Variants in MCM9 observed in about 807,000 individuals in gnomAD.
MCM9 encodes DNA helicase MCM9.
A neutral mutation model predicts 72.8 loss-of-function variants in MCM9; 55 were observed. That is an observed-to-expected ratio of 0.76 (90% confidence interval 0.61 to 0.95). The LOEUF (loss-of-function observed/expected upper bound fraction) is 0.95. Ranked by LOEUF, MCM9 falls within the 40% of genes least tolerant of loss-of-function variation. The pLI, the probability that MCM9 is intolerant of heterozygous loss-of-function variation, is 0.00. For missense variants in MCM9, 1,279 were observed against 1,377.0 expected (o/e 0.93, Z 1.13); for synonymous variants, 480 against 503.4 (o/e 0.95, Z 0.62).
intron 8 of MCM9, among the ~76,000 whole-genome samples, chr6:118,895,426 C>T (rs1779326248): frequency 6.6e-6 from 1 of 152,212 alleles, no homozygotes; most frequent in African/African-American, 2.4e-5. Flanking sequence ...ATTTCCAGGA[C>T]TTAATCTCTG....
chr6:118,857,626 C>CAAAAAAAAAAAAAAAAAA (rs1203197065), intron 8 of MCM9, among the ~76,000 whole-genome samples: 1 of 70,968 alleles, frequency 1.4e-5, no homozygotes, highest in Non-Finnish European at 2.8e-5. Flanking sequence ...CCAGACTGAC[C>CAAAAAAAAAAAAAAAAAA]AAAAAAAAAA....
chr6:118,837,370 G>C (rs965221973), intron 9 of MCM9, among the ~76,000 whole-genome samples: 6 of 152,200 alleles, frequency 3.9e-5, no homozygotes, highest in African/African-American at 1.4e-4. Flanking sequence ...GAGTTCTGTA[G>C]ATGTCTATTA....
intron 8 of MCM9, among the ~76,000 whole-genome samples, chr6:118,873,860 C>T (rs945725048): frequency 3.9e-5 from 6 of 152,078 alleles, no homozygotes; most frequent in African/African-American, 1.4e-4. Flanking sequence ...ACATAGATGC[C>T]AGTATCTTTA....
At chr6:118,933,062 G>T (rs1298725323) in intron 1 of MCM9, among the ~76,000 whole-genome samples, 3 of 152,084 alleles carry the variant, frequency 2.0e-5, no homozygotes, top group African/African-American at 7.2e-5. Flanking sequence ...GAAATCCAAG[G>T]GGCAAATAAA....
intron 8 of MCM9, among the ~76,000 whole-genome samples, chr6:118,860,658 T>A (rs185545709): frequency 6.6e-6 from 1 of 152,148 alleles, no homozygotes; most frequent in Admixed American, 6.5e-5. Flanking sequence ...CTCAAGCACA[T>A]TCCATTCAAA....
chr6:118,923,910 G>C lies in MCM9; in HGVS notation c.522C>G (p.Ser174Arg). 2 of 1,614,220 alleles carry C rather than the reference G, an allele frequency of 1.2e-6. No homozygotes were observed. The highest frequency in any genetic ancestry group is 1.1e-5 in the South Asian group (1 of 91,086). ...YTFCRPSSCP[S>R]LESCDSSKFT... The stretch of plus-strand genomic sequence containing the variant: ...ATTTAGAGGAATCACAGCTCTCCAA[G>C]CTGGGACACGAGGATGGCCGGCAAA... Residue 174 changes from serine (S) to arginine (R), a missense_variant, in exon 4 of 14, where the codon AGC becomes AGG. Ser to Arg is a moderately radical substitution (Grantham distance 110, BLOSUM62 -1). Coordinates refer to ENST00000619706, the MANE Select transcript of MCM9 (RefSeq NM_017696.3).
intron 8 of MCM9, among the ~76,000 whole-genome samples, chr6:118,864,518 G>C (rs2114262188): frequency 6.6e-6 from 1 of 152,126 alleles, no homozygotes; most frequent in East Asian, 1.9e-4. Context: ...CCCTCCGAGA[G>C]AAAGTCAGGG....
chr6:118,841,858 G>T (rs1478776302), intron 9 of MCM9, among the ~76,000 whole-genome samples: 3 of 140,002 alleles, frequency 2.1e-5, no homozygotes, highest in Non-Finnish European at 3.0e-5. Flanking sequence ...TTTTTGACAC[G>T]GAGTCTCGCT....
intron 8 of MCM9, among the ~76,000 whole-genome samples, chr6:118,904,952 C>T (rs1780073058): frequency 6.6e-6 from 1 of 152,212 alleles, no homozygotes; most frequent in Admixed American, 6.5e-5. Flanking sequence ...ATTCTCCTGC[C>T]TCAGCCTCCC....
intron 8 of MCM9, among the ~76,000 whole-genome samples, chr6:118,880,732 T>C (rs530801148): frequency 6.6e-6 from 1 of 152,330 alleles, no homozygotes; most frequent in East Asian, 1.9e-4. Flanking sequence ...TTTTTAGTAC[T>C]GGAATAGGGA....
rs532161631 is a variant in MCM9 at position 118,902,136 on chromosome 6, G to A, written c.1150+9514C>T. Among the ~76,000 whole-genome samples the A allele has an allele frequency of 3.3e-5, 5 of 152,320 alleles. No homozygotes were observed. In the South Asian group the frequency reaches 1.0e-3, roughly 32 times the overall value. On this transcript the variant is annotated intron_variant, in intron 8 of 13. Transcript: ENST00000619706. Reference sequence around the variant, plus strand: ...TGCTGTTAATCAAAGTTGTGTGAGTGCATAACCATGTAAAAGACATGGGTA... The same window carrying A: ...TGCTGTTAATCAAAGTTGTGTGAGTACATAACCATGTAAAAGACATGGGTA...
rs1583310907 is a variant in MCM9 at position 118,816,074 on chromosome 6, T to C, written c.2182A>G (p.Arg728Gly). 7 of 1,550,218 alleles carry C rather than the reference T, an allele frequency of 4.5e-6. No individual in the cohort carries two copies. In the East Asian group the frequency reaches 7.3e-5, roughly 16 times the overall value. ...TTTTTGTGCTGAGCTGAATGTTTCC[T>C]ACTTGTTGATCTATTAGGCTCCAGA... ...PHLEPNRSTS[R>G]KHSAQHKNNR... Residue 728 changes from arginine to glycine, a missense_variant, in exon 14 of 14, where the codon AGG (arginine) becomes GGG (glycine). By Grantham distance (125) the Arg-to-Gly change is moderately radical. Coordinates refer to ENST00000619706, the MANE Select transcript of MCM9 (RefSeq NM_017696.3).
chr6:118,883,586 A>G (rs1778429131), intron 8 of MCM9, among the ~76,000 whole-genome samples: 1 of 152,130 alleles, frequency 6.6e-6, no homozygotes, highest in Non-Finnish European at 1.5e-5. Context: ...TTAAATCAAT[A>G]AGAGAACAAC....
At chr6:118,871,490 G>C (rs556166364) in intron 8 of MCM9, among the ~76,000 whole-genome samples, 1 of 152,094 alleles carries the variant, frequency 6.6e-6, no homozygotes, top group Non-Finnish European at 1.5e-5. Flanking sequence ...CACAATAAAG[G>C]CCATCTATCA....
chr6:118,867,175 G>A (rs1344620912), intron 8 of MCM9, among the ~76,000 whole-genome samples: 5 of 152,050 alleles, frequency 3.3e-5, no homozygotes, highest in Non-Finnish European at 7.4e-5. Context: ...CAAAAAAAAC[G>A]CTAAAGGGAG....
chr6:118,848,525 C>T (rs930380042), intron 9 of MCM9, among the ~76,000 whole-genome samples: 1 of 151,844 alleles, frequency 6.6e-6, no homozygotes, highest in Non-Finnish European at 1.5e-5. Flanking sequence ...TACAGTTATA[C>T]CGTCTACATC....
intron 8 of MCM9, among the ~76,000 whole-genome samples, chr6:118,880,128 C>A (rs1166444023): frequency 2.0e-5 from 3 of 150,406 alleles, no homozygotes; most frequent in African/African-American, 7.3e-5. Flanking sequence ...CAAATAATAC[C>A]ATTTAAAGAA....
chr6:118,934,932 C>G lies in MCM9; in HGVS notation c.-191G>C, dbSNP rs1021212706. ...CGCCGGGAACGCGTTGCTCCCGAGG[C>G]CGAAGGGCCCAGAGAGCTCCAGCCA... On this transcript the variant is annotated 5_prime_UTR_variant, in exon 1 of 14. Coordinates refer to ENST00000619706, the MANE Select transcript of MCM9 (RefSeq NM_017696.3). 1 of 152,222 alleles carries G rather than the reference C, an allele frequency of 6.6e-6. No homozygotes were observed. The highest frequency in any genetic ancestry group is 1.5e-5 in the Non-Finnish European group (1 of 68,058). 9.4% of individuals were successfully genotyped at this position (152,222 alleles called of 1,614,324 possible).
Position 118,922,027 on chromosome 6 carries a change from G to A in MCM9, c.681C>T (p.Asp227=). ...PRSMKVILED[D]LVDSCKSGDD... is the part of the protein sequence containing the mutation. ...TACCAGATTTGCAACTATCCACTAAGTCATCTTCCAGAATAACCTTCATAG... is the reference window on the plus strand; with the variant it reads ...TACCAGATTTGCAACTATCCACTAAATCATCTTCCAGAATAACCTTCATAG... The change falls in exon 5 of 14, where the codon GAC becomes GAT. Residue 227 remains aspartate (D), a synonymous_variant. Coordinates refer to ENST00000619706, the MANE Select transcript of MCM9 (RefSeq NM_017696.3). 6.2e-7 allele frequency: 1 copy of A among 1,612,606 alleles called. No individual in the cohort carries two copies. Among genetic ancestry groups the A allele is most frequent in the Non-Finnish European group, 8.5e-7 (1 of 1,179,270 alleles).
Sources: gnomAD v4.1 joint callset for allele counts (sites outside exome capture counted in the v4.1 genomes callset) on GRCh38, gnomAD v4.1.1 for gene constraint, MANE v1.5 for transcripts, NCBI Gene and HGNC (gene_info 2026-07-23, HGNC 2026-07-21) for gene names.